SLC1A2: variants seen among roughly 807,000 people sequenced by gnomAD.
SLC1A2 encodes the protein solute carrier family 1 member 2.
In SLC1A2, 15 loss-of-function variants were observed where a neutral mutation model predicts 48.8. The ratio of observed to expected loss-of-function variants is 0.31; its 90% CI spans 0.21 to 0.47. The LOEUF (loss-of-function observed/expected upper bound fraction) is 0.47. Among genes scored for constraint, SLC1A2 ranks in the 20% least tolerant of loss-of-function variants. The pLI is 0.99. For missense variants in SLC1A2, 502 were observed against 730.5 expected, an observed-to-expected ratio of 0.69 and a Z score of 3.61; for synonymous variants, 279 against 272.6, an observed-to-expected ratio of 1.02 and a Z score of -0.23.
At chr11:35,323,294 A>G (rs1225930732) in intron 1 of SLC1A2, 3 of 158,404 alleles carry the variant, frequency 1.9e-5, no homozygotes, top group African/African-American at 7.2e-5. Flanking sequence ...TCTGTGTTCT[A>G]ATTCCAGGAC....
In SLC1A2 at chr11:35,257,307, C is replaced by G. The variant is rs984783060; in HGVS notation, c.*3587G>C. 2.6e-5 allele frequency: 4 copies of G among 152,214 alleles called. No homozygotes were observed. The highest frequency in any genetic ancestry group is 9.6e-5 in the African/African-American group (4 of 41,456). 9.4% of individuals were successfully genotyped at this position (152,214 alleles called of 1,614,324 possible). Reference sequence around the variant, plus strand: ...TATTCCATGAGTCTAAATCCAGGAGCTAGGCATTTTGGCACCCCTTCTTTC... The same window carrying G: ...TATTCCATGAGTCTAAATCCAGGAGGTAGGCATTTTGGCACCCCTTCTTTC... On this transcript the variant is annotated 3_prime_UTR_variant, in exon 11 of 11. Transcript: ENST00000278379.
Position 35,292,472 on chromosome 11 carries a change from T to G in SLC1A2, c.906A>C (p.Ala302=). The change falls in exon 7 of 11, where the codon GCA becomes GCC. Residue 302 remains alanine, a synonymous_variant. Transcript: ENST00000278379. ...IACLICGKII[A]IKDLEVVARQ... is the part of the protein sequence containing the mutation. ...TAGCAACCACTTCTAAGTCCTTGAT[T>G]GCAATGATCTTTCCACAGATCAGGC... 1 of 1,613,908 alleles carries G rather than the reference T, an allele frequency of 6.2e-7. No individual in the cohort carries two copies. Among genetic ancestry groups the G allele is most frequent in the Non-Finnish European group, 8.5e-7 (1 of 1,179,876 alleles).
chr11:35,358,154 G>A (rs1371037783), intron 1 of SLC1A2, among the ~76,000 whole-genome samples: 1 of 151,644 alleles, frequency 6.6e-6, no homozygotes, highest in Admixed American at 6.6e-5. Context: ...AAAAAAAAAA[G>A]GGAGGTGGGG....
At chr11:35,279,843 C>T (rs1850567020) in intron 9 of SLC1A2, among the ~76,000 whole-genome samples, 1 of 152,228 alleles carries the variant, frequency 6.6e-6, no homozygotes, top group Non-Finnish European at 1.5e-5. Flanking sequence ...ACCTAGTGAA[C>T]ACTCAAATTC....
At chr11:35,321,874 A>T (rs900193551) in intron 1 of SLC1A2, among the ~76,000 whole-genome samples, 1 of 152,092 alleles carries the variant, frequency 6.6e-6, no homozygotes, top group African/African-American at 2.4e-5. Flanking sequence ...AAAGCAATAA[A>T]ACCCAGGTTG....
At position 35,344,675 on chromosome 11, in the gene SLC1A2, C is replaced by T. The variant is rs576655077; in HGVS notation, c.18-27159G>A. ...AAAGGCTGAGTCCTGGCTGCCATCCCTCACATGGTGAAAGACAAAAAGAAG... is the reference window on the plus strand; with the variant it reads ...AAAGGCTGAGTCCTGGCTGCCATCCTTCACATGGTGAAAGACAAAAAGAAG... On this transcript the variant is annotated intron_variant, in intron 1 of 10. Transcript: ENST00000278379. Among the ~76,000 whole-genome samples, 4 of 152,344 alleles carry T rather than the reference C, an allele frequency of 2.6e-5. No individual in the cohort carries two copies. The East Asian group carries it at 7.7e-4, about 29-fold the overall frequency.
chr11:35,317,374 T>C lies in SLC1A2; in HGVS notation c.157+3A>G. The C allele has an allele frequency of 6.2e-7, 1 of 1,613,818 alleles. No homozygotes were observed. Among genetic ancestry groups the C allele is most frequent in the Non-Finnish European group, 8.5e-7 (1 of 1,179,776 alleles). ...CTGGGGGTGGGGTAGTGCAGGTACC[T>C]ACCAAACACCGTCAGGGTGAGCAGC... On this transcript the variant is annotated splice_donor_region_variant and intron_variant, in intron 2 of 10. Coordinates refer to ENST00000278379, the MANE Select transcript of SLC1A2 (RefSeq NM_004171.4).
In SLC1A2 at chr11:35,306,055, G is replaced by A. The variant is rs370621603; in HGVS notation, c.730+19C>T. 1.7e-4 allele frequency: 268 copies of A among 1,610,450 alleles called. No homozygotes were observed. The highest frequency in any genetic ancestry group is 1.2e-3 in the Middle Eastern group (7 of 6,042). ...GCCATTGCCAGGGAAGCAGAATCCC[G>A]GACCACCAGCTGGCCTACCTAAGAC... On this transcript the variant is annotated intron_variant, in intron 5 of 10. Transcript: ENST00000278379.
chr11:35,287,703 C>A (rs781651091), intron 7 of SLC1A2, among the ~76,000 whole-genome samples: 3 of 152,196 alleles, frequency 2.0e-5, no homozygotes, highest in Non-Finnish European at 4.4e-5. Context: ...CATGACCAAG[C>A]CTCGAAGGCC....
rs978120821 is a variant in SLC1A2 at position 35,260,728 on chromosome 11, C to T, written c.*166G>A. 6.5e-6 allele frequency: 4 copies of T among 614,570 alleles called. No individual in the cohort carries two copies. The highest frequency in any genetic ancestry group is 5.5e-5 in the African/African-American group (3 of 54,070). The allele number at this position is 614,570 out of a possible 1,614,324, so 38.1% of individuals were successfully genotyped here. A position where few individuals can be genotyped will look rare whatever the true frequency, so the allele number is the denominator to read the frequency against. ...TATTTGGCAAAGACACAGCACCGTG[C>T]CTGTCATCACTGACTCACAAGAGCT... is the stretch of plus-strand genomic sequence containing the variant. On this transcript the variant is annotated 3_prime_UTR_variant, in exon 11 of 11. Transcript: ENST00000278379.
At chr11:35,276,818 T>C (rs1850456246) in intron 9 of SLC1A2, among the ~76,000 whole-genome samples, 1 of 152,170 alleles carries the variant, frequency 6.6e-6, no homozygotes, top group African/African-American at 2.4e-5. Context: ...AAGAAAAAAA[T>C]AGGTCAAAAA....
At chr11:35,404,864 G>C (rs948228317) in intron 1 of SLC1A2, among the ~76,000 whole-genome samples, 1 of 152,178 alleles carries the variant, frequency 6.6e-6, no homozygotes, top group Non-Finnish European at 1.5e-5. Context: ...TTCCCTGTCA[G>C]AGCAGACGAG....
chr11:35,299,631 A>C (rs1261719664), intron 6 of SLC1A2: 1 of 152,258 alleles, frequency 6.6e-6, no homozygotes, highest in South Asian at 2.1e-4. Flanking sequence ...GAAATCTTGG[A>C]GTTATCAGCT....
At chr11:35,360,710 A>C (rs945124443) in intron 1 of SLC1A2, among the ~76,000 whole-genome samples, 1 of 152,090 alleles carries the variant, frequency 6.6e-6, no homozygotes, top group Non-Finnish European at 1.5e-5. Flanking sequence ...TTTGTTTTCT[A>C]ATTAAATGTA....
rs553858651 is a variant in SLC1A2 at position 35,375,648 on chromosome 11, G to T, written c.17+43302C>A. Among the ~76,000 whole-genome samples, 3 of 152,256 alleles carry T rather than the reference G, an allele frequency of 2.0e-5. No individual in the cohort carries two copies. The East Asian group carries it at 5.8e-4, about 29-fold the overall frequency. ...CGAGAACCATGTCTAAAAACCCCAG[G>T]TCCTTGCTGCAAAGTCGTCACTCTG... is the stretch of plus-strand genomic sequence containing the variant. On this transcript the variant is annotated intron_variant, in intron 1 of 10. Coordinates refer to ENST00000278379, the MANE Select transcript of SLC1A2 (RefSeq NM_004171.4).
At chr11:35,323,179 C>T (rs374622045) in intron 1 of SLC1A2, 1 of 230,320 alleles carries the variant, frequency 4.3e-6, no homozygotes, top group South Asian at 6.3e-5. Context: ...AACCTCTTTT[C>T]TATAGCTTCT....
In SLC1A2 at chr11:35,332,410, C is replaced by T. The variant is rs117020292; in HGVS notation, c.18-14894G>A. ...CAAATTTATGCTGAGGATAGTTTCTCGCCGAGTGACTTATCAGGTTGACTC... is the reference window on the plus strand; with the variant it reads ...CAAATTTATGCTGAGGATAGTTTCTTGCCGAGTGACTTATCAGGTTGACTC... On this transcript the variant is annotated intron_variant, in intron 1 of 10. Transcript: ENST00000278379. Among the ~76,000 whole-genome samples the T allele has an allele frequency of 6.1e-3, 933 of 152,314 alleles. 6 individuals carry two copies. The highest frequency in any genetic ancestry group is 0.018 in the South Asian group (88 of 4,832).
chr11:35,334,814 A>ATTTTGTTTTG (rs10611656), intron 1 of SLC1A2, among the ~76,000 whole-genome samples: 89 of 147,098 alleles, frequency 6.1e-4, no homozygotes, highest in Middle Eastern at 3.4e-3. Context: ...CTGGAGAGCA[A>ATTTTGTTTTG]TTTTGTTTTG....
At chr11:35,376,311 C>T (rs1009577674) in intron 1 of SLC1A2, among the ~76,000 whole-genome samples, 1 of 152,246 alleles carries the variant, frequency 6.6e-6, no homozygotes, top group Middle Eastern at 3.4e-3. Context: ...AGTGCAGGAC[C>T]TGGATTGGAT....
Sources: allele counts gnomAD v4.1 joint callset (sites outside exome capture counted in the v4.1 genomes callset), GRCh38; gene constraint gnomAD v4.1.1; transcripts MANE v1.5; gene names NCBI Gene and HGNC (gene_info 2026-07-23, HGNC 2026-07-21).